Variants in COL15A1 observed in about 807,000 individuals in gnomAD.
COL15A1 encodes collagen alpha-1(XV) chain.
In COL15A1, 111 loss-of-function variants were observed where a neutral mutation model predicts 165.9. The ratio of observed to expected loss-of-function variants is 0.67; its 90% CI spans 0.57 to 0.78. COL15A1 has a LOEUF of 0.78. Among genes scored for constraint, COL15A1 ranks in the 30% least tolerant of loss-of-function variants. COL15A1 has a pLI of 0.00. For missense variants in COL15A1, 1,745 were observed against 1,789.7 expected (o/e 0.98, Z 0.45); for synonymous variants, 659 against 674.8 (o/e 0.98, Z 0.36).
intron 39 of COL15A1, among the ~76,000 whole-genome samples, chr9:99,065,416 C>CG (rs1212910364): frequency 3.3e-5 from 5 of 151,694 alleles, no homozygotes; most frequent in South Asian, 2.1e-4. Flanking sequence ...AGGAAGAAGA[C>CG]GGGGGGTGGG....
At chr9:98,950,935 C>T in intron 2 of COL15A1, among the ~76,000 whole-genome samples, 1 of 152,084 alleles carries the variant, frequency 6.6e-6, no homozygotes, top group Non-Finnish European at 1.5e-5. Context: ...AATGACGTTG[C>T]GCATTTTTTC....
chr9:99,003,680 T>C, intron 8 of COL15A1, 93 bp downstream of exon 8: 1 of 1,333,182 alleles, frequency 7.5e-7, no homozygotes, highest in Non-Finnish European at 9.9e-7. Flanking sequence ...CCTATGTGTC[T>C]GTGAAACACA....
chr9:98,948,901 G>A (rs1837633180), intron 2 of COL15A1, among the ~76,000 whole-genome samples: 1 of 152,176 alleles, frequency 6.6e-6, no homozygotes, highest in South Asian at 2.1e-4. Flanking sequence ...CATGCTAAAG[G>A]TACAGTACAA....
rs2117954083 is a variant in COL15A1 at position 99,059,899 on chromosome 9, T to A, written c.3348T>A (p.Leu1116=). The part of the protein sequence containing the change: ...PPAILGAAVA[L]PGPPGPPGQP... Reference sequence around the variant, plus strand: ...TCTGTTTTGTCTTAGCTGTGGCCCTTCCAGGTCCCCCTGGCCCTCCAGGAC... The same window carrying A: ...TCTGTTTTGTCTTAGCTGTGGCCCTACCAGGTCCCCCTGGCCCTCCAGGAC... The change falls in exon 36 of 42, where the codon CTT becomes CTA. Residue 1116 remains leucine, a synonymous_variant. Transcript: ENST00000375001. 1 of 1,613,910 alleles carries A rather than the reference T, an allele frequency of 6.2e-7. No homozygotes were observed. Among genetic ancestry groups the A allele is most frequent in the Middle Eastern group, 1.7e-4 (1 of 6,060 alleles).
intron 9 of COL15A1, among the ~76,000 whole-genome samples, chr9:99,012,554 T>G (rs79408118): frequency 0.016 from 2,491 of 152,258 alleles, 163 homozygotes; most frequent in South Asian, 0.11. Flanking sequence ...GGGCTCTGAA[T>G]TTTTCTTGCT....
At chr9:99,034,029 T>G (rs1839254225) in intron 16 of COL15A1, among the ~76,000 whole-genome samples, 3 of 152,202 alleles carry the variant, frequency 2.0e-5, no homozygotes. Context: ...CCTGCCCTAA[T>G]GCAACCTCCT....
chr9:99,029,563 C>G (rs1042256122), intron 16 of COL15A1, among the ~76,000 whole-genome samples: 12 of 152,174 alleles, frequency 7.9e-5, no homozygotes, highest in African/African-American at 2.9e-4. Context: ...TGCCTAATTT[C>G]CTATTTTATA....
At chr9:99,068,722 G>A (rs1255438095) in intron 41 of COL15A1, 52 bp downstream of exon 41, 4 of 1,086,174 alleles carry the variant, frequency 3.7e-6, no homozygotes, top group Middle Eastern at 2.0e-4. Context: ...GTTTTAGGGG[G>A]CATCCTAACA....
At chr9:99,046,101 A>G (rs1456572487) in intron 26 of COL15A1, among the ~76,000 whole-genome samples, 3 of 152,140 alleles carry the variant, frequency 2.0e-5, no homozygotes, top group Non-Finnish European at 4.4e-5. Flanking sequence ...ACAAATAGTT[A>G]GTGGTGGGGG....
At chr9:99,057,831 A>G (rs757913254) in intron 35 of COL15A1, among the ~76,000 whole-genome samples, 2 of 152,214 alleles carry the variant, frequency 1.3e-5, no homozygotes, top group Non-Finnish European at 2.9e-5. Context: ...AGAGACCTAC[A>G]GAGTCCTTGG....
intron 12 of COL15A1, among the ~76,000 whole-genome samples, chr9:99,021,154 T>G (rs1014811236): frequency 1.3e-5 from 2 of 152,218 alleles, no homozygotes; most frequent in Admixed American, 6.5e-5. Context: ...TCTGGGAGCC[T>G]TCTCATCTCC....
At chr9:98,990,492 A>G (rs1157178022) in intron 5 of COL15A1, among the ~76,000 whole-genome samples, 1 of 152,230 alleles carries the variant, frequency 6.6e-6, no homozygotes, top group Non-Finnish European at 1.5e-5. Context: ...GCCCTTGGCC[A>G]TCCCACAGGC....
intron 16 of COL15A1, among the ~76,000 whole-genome samples, chr9:99,026,921 A>G (rs1329392168): frequency 6.6e-6 from 1 of 152,084 alleles, no homozygotes; most frequent in Non-Finnish European, 1.5e-5. Context: ...TCTCCTTAGA[A>G]CCTAGCACAA....
At chr9:98,946,435 T>C (rs1051586065) in intron 2 of COL15A1, among the ~76,000 whole-genome samples, 1 of 152,144 alleles carries the variant, frequency 6.6e-6, no homozygotes, top group Non-Finnish European at 1.5e-5. Context: ...ATGTCACAAT[T>C]GTAACATGAG....
chr9:99,001,555 G>C (rs1236086109), intron 7 of COL15A1, among the ~76,000 whole-genome samples: 1 of 152,134 alleles, frequency 6.6e-6, no homozygotes, highest in Non-Finnish European at 1.5e-5. Context: ...GTCAAGCCCA[G>C]CATAATATCA....
rs1825963423 is a variant in COL15A1 at position 99,070,161 on chromosome 9, T to C, written c.*275T>C. 8.6e-6 allele frequency: 3 copies of C among 347,336 alleles called. No homozygotes were observed. Among genetic ancestry groups the C allele is most frequent in the South Asian group, 8.5e-5 (2 of 23,518 alleles). The allele number at this position is 347,336 out of a possible 1,614,324, so 21.5% of individuals were successfully genotyped here. ...CATCCCAACATAGGTTAAGAGCAAGTTGAAAACAAAGGCCATGGCATTCTG... is the reference window on the plus strand; with the variant it reads ...CATCCCAACATAGGTTAAGAGCAAGCTGAAAACAAAGGCCATGGCATTCTG... On this transcript the variant is annotated 3_prime_UTR_variant, in exon 42 of 42. Coordinates refer to ENST00000375001, the MANE Select transcript of COL15A1 (RefSeq NM_001855.5).
rs773224147 is a variant in COL15A1, at chr9:99,054,599, T to C, written c.2974T>C (p.Trp992Arg). 1.4e-5 allele frequency: 22 copies of C among 1,613,104 alleles called. No individual in the cohort carries two copies. Among genetic ancestry groups the C allele is most frequent in the Admixed American group, 1.7e-5 (1 of 59,784 alleles). ...FHGVKGEKGS[W>R]GLPGSKGEKG... ...AGGTGTTAAAGGAGAGAAAGGATCC[T>C]GGGGTCTTCCTGGCTCAAAGGGAGA... The change falls in exon 32 of 42, where the codon TGG (tryptophan) becomes CGG (arginine). Residue 992 changes from tryptophan (W) to arginine (R), a missense_variant. Trp to Arg is a moderately radical substitution (Grantham distance 101, BLOSUM62 -3). Transcript: ENST00000375001.
chr9:99,066,734 T>C, intron 39 of COL15A1, 148 bp from the exon 40 acceptor site: 1 of 661,860 alleles, frequency 1.5e-6, no homozygotes, highest in Non-Finnish European at 2.5e-6. Context: ...AGACTGTAAT[T>C]CCAATGTCAG....
intron 35 of COL15A1, among the ~76,000 whole-genome samples, chr9:99,058,886 A>G (rs1825768308): frequency 6.6e-6 from 1 of 152,128 alleles, no homozygotes; most frequent in African/African-American, 2.4e-5. Context: ...TTTGCTTGCA[A>G]CGACCTGAAG....
Sources: allele counts gnomAD v4.1 joint callset (sites outside exome capture counted in the v4.1 genomes callset), GRCh38; gene constraint gnomAD v4.1.1; transcripts MANE v1.5; gene names NCBI Gene and HGNC (gene_info 2026-07-23, HGNC 2026-07-21).